The following PPP4R4 variants were observed in gnomAD, a reference collection of about 807,000 sequenced individuals.
PPP4R4 encodes serine/threonine-protein phosphatase 4 regulatory subunit 4.
PPP4R4 carries 70 observed loss-of-function variants against 121.8 expected under a neutral mutation model. That is an observed-to-expected ratio of 0.57 (90% confidence interval 0.47 to 0.70). The LOEUF (loss-of-function observed/expected upper bound fraction) is 0.70. Ranked by LOEUF, PPP4R4 falls within the 30% of genes least tolerant of loss-of-function variation. The pLI, the probability that PPP4R4 is intolerant of heterozygous loss-of-function variation, is 0.00. For synonymous variants in PPP4R4, 348 were observed against 355.7 expected (o/e 0.98, Z 0.24); for missense variants, 875 against 1,033.6 (o/e 0.85, Z 2.10).
intron 24 of PPP4R4, among the ~76,000 whole-genome samples, chr14:94,277,470 T>A (rs187206247): frequency 5.3e-4 from 80 of 152,336 alleles, no homozygotes; most frequent in Admixed American, 2.3e-3. Flanking sequence ...TTCCTCCTCC[T>A]CTAAGGTGCC....
chr14:94,176,043 A>G lies in PPP4R4; in HGVS notation c.118-11A>G, dbSNP rs199689912. 6 of 1,606,342 alleles carry G rather than the reference A, an allele frequency of 3.7e-6. No homozygotes were observed. The Admixed American group carries it at 1.0e-4, about 27-fold the overall frequency. ...TTTGTGGTGCATAAATGTGTATTTT[A>G]CCCTTGACAGACACCGGAAGAAATA... On this transcript the variant is annotated splice_polypyrimidine_tract_variant and intron_variant, in intron 1 of 24. Coordinates refer to ENST00000304338, the MANE Select transcript of PPP4R4 (RefSeq NM_058237.2).
At chr14:94,264,555 T>A (rs1893940699) in intron 19 of PPP4R4, among the ~76,000 whole-genome samples, 1 of 152,194 alleles carries the variant, frequency 6.6e-6, no homozygotes, top group Non-Finnish European at 1.5e-5. Context: ...CATTTACCAA[T>A]CTGAAATTGA....
At chr14:94,223,263 C>G (rs73342894) in intron 3 of PPP4R4, among the ~76,000 whole-genome samples, 4,690 of 152,114 alleles carry the variant, frequency 0.031, 195 homozygotes, top group African/African-American at 0.09. Flanking sequence ...TGTGCTTGGT[C>G]TTGTATTTGA....
chr14:94,194,055 T>C (rs1889737868), intron 2 of PPP4R4, among the ~76,000 whole-genome samples: 1 of 152,202 alleles, frequency 6.6e-6, no homozygotes, highest in Non-Finnish European at 1.5e-5. Context: ...CTAAGAATAC[T>C]TCAGTGGATT....
At chr14:94,273,503 T>TGAAA (rs1212478997) in intron 23 of PPP4R4, among the ~76,000 whole-genome samples, 1 of 152,118 alleles carries the variant, frequency 6.6e-6, no homozygotes, top group East Asian at 1.9e-4. Flanking sequence ...TTTAGGGCAG[T>TGAAA]GAAAACACTC....
intron 19 of PPP4R4, among the ~76,000 whole-genome samples, chr14:94,264,125 A>ACC (rs1893917502): frequency 1.3e-5 from 2 of 152,002 alleles, no homozygotes; most frequent in Non-Finnish European, 2.9e-5. Context: ...GTATACCTAT[A>ACC]ATTTGTGTAC....
intron 2 of PPP4R4, among the ~76,000 whole-genome samples, chr14:94,178,718 G>C (rs1266251422): frequency 6.6e-6 from 1 of 152,160 alleles, no homozygotes; most frequent in Non-Finnish European, 1.5e-5. Flanking sequence ...GTGCGATACT[G>C]ATATACCCAT....
At chr14:94,189,939 T>C (rs1889502279) in intron 2 of PPP4R4, among the ~76,000 whole-genome samples, 2 of 152,220 alleles carry the variant, frequency 1.3e-5, no homozygotes, top group Admixed American at 1.3e-4. Context: ...CCTGAATGAT[T>C]GAACATGTCA....
At chr14:94,220,021 A>C (rs998224371) in intron 3 of PPP4R4, among the ~76,000 whole-genome samples, 1 of 152,188 alleles carries the variant, frequency 6.6e-6, no homozygotes, top group African/African-American at 2.4e-5. Context: ...CAGGAGTTCG[A>C]GGCCAGCCTG....
intron 20 of PPP4R4, 118 bp from the exon 21 acceptor site, chr14:94,265,269 A>G: frequency 1.4e-6 from 1 of 720,404 alleles, no homozygotes; most frequent in Non-Finnish European, 2.4e-6. Context: ...GAATATTTGG[A>G]AAAGAAAGCT....
intron 2 of PPP4R4, among the ~76,000 whole-genome samples, chr14:94,198,372 A>G (rs1889995294): frequency 2.0e-5 from 3 of 151,942 alleles, no homozygotes; most frequent in Admixed American, 2.0e-4. Flanking sequence ...TCTGCTTTTT[A>G]TTGGATGTTC....
At chr14:94,180,881 A>G (rs1889594830) in intron 2 of PPP4R4, among the ~76,000 whole-genome samples, 1 of 151,986 alleles carries the variant, frequency 6.6e-6, no homozygotes, top group Non-Finnish European at 1.5e-5. Flanking sequence ...GATATGAAAG[A>G]GTGAGATTTC....
intron 2 of PPP4R4, among the ~76,000 whole-genome samples, chr14:94,182,287 GAATGTATGCAGAAATGTGCACA>G (rs1405082582): frequency 6.6e-6 from 1 of 152,144 alleles, no homozygotes; most frequent in African/African-American, 2.4e-5. Context: ...CGCGAACTTT[GAATGTATGCAGAAATGTGCACA>G]AATCATAATA....
intron 19 of PPP4R4, among the ~76,000 whole-genome samples, chr14:94,259,648 C>A (rs1417047127): frequency 6.6e-6 from 1 of 152,158 alleles, no homozygotes; most frequent in Non-Finnish European, 1.5e-5. Context: ...GAAACCATCA[C>A]CACAATGAAA....
chr14:94,251,908 A>T lies in PPP4R4; in HGVS notation c.1865+12A>T. 2 of 1,556,696 alleles carry T rather than the reference A, an allele frequency of 1.3e-6. No homozygotes were observed. The highest frequency in any genetic ancestry group is 1.7e-6 in the Non-Finnish European group (2 of 1,148,918). ...GTAGCAAATGTGAGGTATGTTATCA[A>T]TGAAGGAAAATATTGGAAATTGTAT... is the stretch of plus-strand genomic sequence containing the variant. On this transcript the variant is annotated intron_variant, in intron 16 of 24. Transcript: ENST00000304338.
chr14:94,187,475 A>G (rs1277468122), intron 2 of PPP4R4, among the ~76,000 whole-genome samples: 1 of 152,210 alleles, frequency 6.6e-6, no homozygotes, highest in South Asian at 2.1e-4. Context: ...CAAAGTTAGT[A>G]TAGAAAGTTC....
intron 16 of PPP4R4, among the ~76,000 whole-genome samples, chr14:94,254,409 G>A (rs1007276657): frequency 6.6e-6 from 1 of 152,152 alleles, no homozygotes; most frequent in African/African-American, 2.4e-5. Context: ...TTTATTTGGG[G>A]GGATTGATAC....
chr14:94,268,323 T>G (rs946934681), intron 23 of PPP4R4, among the ~76,000 whole-genome samples: 7 of 152,232 alleles, frequency 4.6e-5, no homozygotes, highest in Non-Finnish European at 1.0e-4. Context: ...TTAGCTGTAA[T>G]GAGCATGTTT....
chr14:94,191,398 G>C (rs1476459918), intron 2 of PPP4R4, among the ~76,000 whole-genome samples: 1 of 151,930 alleles, frequency 6.6e-6, no homozygotes, highest in Non-Finnish European at 1.5e-5. Context: ...TGTATTTATG[G>C]GATACAGAGC....
Sources: allele counts gnomAD v4.1 joint callset (sites outside exome capture counted in the v4.1 genomes callset), GRCh38; gene constraint gnomAD v4.1.1; transcripts MANE v1.5; gene names NCBI Gene and HGNC (gene_info 2026-07-23, HGNC 2026-07-21).